PSMD14: variants seen among roughly 807,000 people sequenced by gnomAD.
PSMD14 encodes proteasome 26S subunit, non-ATPase 14.
Under a neutral mutation model 41.2 loss-of-function variants are expected in PSMD14, and 7 were observed. The observed-to-expected ratio is 0.17, with a 90% CI of 0.10 to 0.32. The LOEUF (loss-of-function observed/expected upper bound fraction) is 0.32. PSMD14 is among the 10% of genes least tolerant of loss of function. The pLI, the probability that PSMD14 is intolerant of heterozygous loss-of-function variation, is 1.00. For synonymous variants in PSMD14, 114 were observed against 122.3 expected, an observed-to-expected ratio of 0.93 and a Z score of 0.45; for missense variants, 139 against 375.6, an observed-to-expected ratio of 0.37 and a Z score of 5.21.
intron 3 of PSMD14, among the ~76,000 whole-genome samples, chr2:161,354,391 T>A (rs1215852686): frequency 6.6e-6 from 1 of 152,054 alleles, no homozygotes; most frequent in Non-Finnish European, 1.5e-5. Flanking sequence ...GACTACAGAT[T>A]TGAGCCACCA....
At chr2:161,400,899 A>G (rs1683869723) in intron 10 of PSMD14, among the ~76,000 whole-genome samples, 1 of 152,218 alleles carries the variant, frequency 6.6e-6, no homozygotes. Flanking sequence ...CATAAAATAT[A>G]GGAGACACTA....
chr2:161,332,293 G>A (rs931442967), intron 3 of PSMD14, among the ~76,000 whole-genome samples: 1 of 152,124 alleles, frequency 6.6e-6, no homozygotes, highest in Non-Finnish European at 1.5e-5. Context: ...TTAAAAGAAG[G>A]TTTACATTTC....
intron 10 of PSMD14, among the ~76,000 whole-genome samples, chr2:161,399,438 T>C (rs765192346): frequency 9.2e-5 from 14 of 152,114 alleles, no homozygotes; most frequent in Non-Finnish European, 2.1e-4. Context: ...TCCTATAAAA[T>C]ATTTATTTTA....
chr2:161,408,023 T>A (rs1357655798), intron 10 of PSMD14: 2 of 152,086 alleles, frequency 1.3e-5, no homozygotes, highest in East Asian at 3.9e-4. Flanking sequence ...GTAGCCAATC[T>A]AAATGTTATA....
intron 7 of PSMD14, among the ~76,000 whole-genome samples, chr2:161,377,757 T>C (rs1043428020): frequency 4.0e-5 from 6 of 151,884 alleles, no homozygotes; most frequent in African/African-American, 1.4e-4. Flanking sequence ...TCAGTAAAAA[T>C]ACATCATTCA....
At chr2:161,332,706 C>T (rs905659441) in intron 3 of PSMD14, among the ~76,000 whole-genome samples, 1 of 152,194 alleles carries the variant, frequency 6.6e-6, no homozygotes, top group South Asian at 2.1e-4. Context: ...TTAGAACATA[C>T]TGATCCCATT....
At chr2:161,315,631 T>C (rs1055908708) in intron 1 of PSMD14, among the ~76,000 whole-genome samples, 7 of 152,098 alleles carry the variant, frequency 4.6e-5, no homozygotes, top group Non-Finnish European at 8.8e-5. Flanking sequence ...CTTGTCATTT[T>C]AGTGTTTTTG....
intron 10 of PSMD14, among the ~76,000 whole-genome samples, chr2:161,402,716 A>G (rs1051278651): frequency 1.3e-5 from 2 of 151,980 alleles, no homozygotes; most frequent in Non-Finnish European, 2.9e-5. Flanking sequence ...AAAAGAAACT[A>G]TAAAGAACTC....
intron 10 of PSMD14, among the ~76,000 whole-genome samples, chr2:161,397,654 A>G (rs947991038): frequency 3.3e-5 from 5 of 152,180 alleles, no homozygotes; most frequent in Non-Finnish European, 7.4e-5. Flanking sequence ...TTTATCCAAG[A>G]GACAGTGTAT....
chr2:161,392,967 C>T (rs956432476), intron 9 of PSMD14, among the ~76,000 whole-genome samples: 2 of 152,038 alleles, frequency 1.3e-5, no homozygotes, highest in African/African-American at 2.4e-5. Flanking sequence ...ATAAACTTAG[C>T]CATTTTCCTT....
At chr2:161,393,692 A>G (rs1683747616) in intron 9 of PSMD14, among the ~76,000 whole-genome samples, 3 of 152,148 alleles carry the variant, frequency 2.0e-5, no homozygotes, top group African/African-American at 7.2e-5. Flanking sequence ...CAGTCATTTT[A>G]TAGCCATCAT....
At chr2:161,366,071 C>T (rs1489951378) in intron 3 of PSMD14, among the ~76,000 whole-genome samples, 2 of 152,110 alleles carry the variant, frequency 1.3e-5, no homozygotes, top group East Asian at 1.9e-4. Context: ...ATGATGACTT[C>T]AGCAAGATGC....
intron 4 of PSMD14, 85 bp from the exon 5 acceptor site, chr2:161,367,699 A>T: frequency 6.6e-7 from 1 of 1,514,946 alleles, no homozygotes; most frequent in East Asian, 2.4e-5. Flanking sequence ...TTTTCACTGG[A>T]ACAAAATTTG....
At chr2:161,389,889 G>GTTGTTTTTTTTTGTTTT in intron 8 of PSMD14, among the ~76,000 whole-genome samples, 1 of 20,042 alleles carries the variant, frequency 5.0e-5, no homozygotes, top group Non-Finnish European at 1.0e-4. Context: ...CTTTTTTGTT[G>GTTGTTTTTTTTTGTTTT]TTTTTTTTTT....
intron 3 of PSMD14, among the ~76,000 whole-genome samples, chr2:161,360,810 AC>A (rs1178144707): frequency 6.6e-6 from 1 of 152,254 alleles, no homozygotes; most frequent in African/African-American, 2.4e-5. Context: ...TGCTAGGATT[AC>A]AGGCGTGAGC....
chr2:161,399,994 A>G (rs1056166566), intron 10 of PSMD14, among the ~76,000 whole-genome samples: 3 of 152,194 alleles, frequency 2.0e-5, no homozygotes, highest in Non-Finnish European at 4.4e-5. Flanking sequence ...AAGTATCTCT[A>G]TCTTGCATAT....
intron 3 of PSMD14, among the ~76,000 whole-genome samples, chr2:161,327,866 T>C (rs1682722456): frequency 6.7e-6 from 1 of 149,072 alleles, no homozygotes. Context: ...CTAAAACAAC[T>C]ATTAGATTAG....
intron 1 of PSMD14, among the ~76,000 whole-genome samples, chr2:161,314,059 A>G (rs569285999): frequency 4.5e-4 from 68 of 152,194 alleles, no homozygotes; most frequent in Non-Finnish European, 9.6e-4. Context: ...TGAAGATAGG[A>G]TGGCCATCTT....
chr2:161,380,626 T>C (rs1443973765), intron 7 of PSMD14, among the ~76,000 whole-genome samples: 1 of 152,050 alleles, frequency 6.6e-6, no homozygotes, highest in African/African-American at 2.4e-5. Context: ...GGAATTTCTT[T>C]TCCAGAGCTA....
Sources: gnomAD v4.1 joint callset for allele counts (sites outside exome capture counted in the v4.1 genomes callset) on GRCh38, gnomAD v4.1.1 for gene constraint, MANE v1.5 for transcripts, NCBI Gene and HGNC (gene_info 2026-07-23, HGNC 2026-07-21) for gene names.